DBX1: variants seen among roughly 807,000 people sequenced by gnomAD.
The protein encoded by DBX1 is developing brain homeobox 1, also known as homeobox protein DBX1.
DBX1 carries 10 observed loss-of-function variants against 20.8 expected under a neutral mutation model. The ratio of observed to expected loss-of-function variants is 0.48; its 90% CI spans 0.30 to 0.82. DBX1 has a LOEUF of 0.82. Among genes scored for constraint, DBX1 ranks in the 40% least tolerant of loss-of-function variants. The pLI, the probability that DBX1 is intolerant of heterozygous loss-of-function variation, is 0.07. For synonymous variants in DBX1, 241 were observed against 213.9 expected (o/e 1.13, Z -1.11); for missense variants, 505 against 468.8 (o/e 1.08, Z -0.71).
At position 20,156,486 on chromosome 11, in the gene DBX1, T is replaced by C. The variant is rs1450084189; in HGVS notation, c.760A>G (p.Thr254Ala). ...TGCGGATTGAGCTTGGTGGGCAGGGTCTGCTCGCGACAGCCCCCGCTAGAC... is the reference window on the plus strand; with the variant it reads ...TGCGGATTGAGCTTGGTGGGCAGGGCCTGCTCGCGACAGCCCCCGCTAGAC... ...LLSSGGCREQ[T>A]LPTKLNPHPD... Residue 254 changes from threonine (T) to alanine (A), a missense_variant, in exon 4 of 4, where the codon ACC becomes GCC. By Grantham distance (58) the Thr-to-Ala change is moderately conservative. Transcript: ENST00000524983. The surrounding 1 kb of genome is among the most constrained non-coding windows in gnomAD (Gnocchi z 4.8). The C allele has an allele frequency of 6.8e-6, 11 of 1,613,778 alleles. No individual in the cohort carries two copies. The highest frequency in any genetic ancestry group is 9.3e-6 in the Non-Finnish European group (11 of 1,179,968).
In DBX1 at chr11:20,160,459, G is replaced by A. The variant is rs2063684849; in HGVS notation, c.-135C>T. The A allele has an allele frequency of 3.4e-6, 4 of 1,169,952 alleles. No homozygotes were observed. The highest frequency in any genetic ancestry group is 4.6e-6 in the Non-Finnish European group (4 of 877,850). 72.5% of individuals were successfully genotyped at this position (1,169,952 alleles called of 1,614,324 possible). On this transcript the variant is annotated 5_prime_UTR_variant, in exon 1 of 4. Coordinates refer to ENST00000524983, the MANE Select transcript of DBX1 (RefSeq NM_001029865.4). The stretch of plus-strand genomic sequence containing the variant: ...GTCTCCAAGTAACAATCCCACTTGG[G>A]CGTCTGCGAGTCCTCCGTGGTCCTC...
chr11:20,159,939 G>C lies in DBX1; in HGVS notation c.367+19C>G. ...TGCCTAGTACCTGAATGGGCCCTTA[G>C]GGTTCTGACCTCGCTTACCTGTTCT... On this transcript the variant is annotated intron_variant, in intron 1 of 3. Transcript: ENST00000524983. The C allele has an allele frequency of 3.1e-6, 5 of 1,614,018 alleles. No individual in the cohort carries two copies. Among genetic ancestry groups the C allele is most frequent in the Non-Finnish European group, 4.2e-6 (5 of 1,179,960 alleles).
Position 20,160,370 on chromosome 11 carries a change from G to A in DBX1, c.-46C>T, listed in dbSNP as rs990658602. The A allele has an allele frequency of 4.8e-6, 7 of 1,458,736 alleles. No individual in the cohort carries two copies. The East Asian group carries it at 7.6e-5, about 16-fold the overall frequency. 90.4% of individuals were successfully genotyped at this position (1,458,736 alleles called of 1,614,324 possible). A position where few individuals can be genotyped will look rare whatever the true frequency, so the allele number is the denominator to read the frequency against. ...ATAACCCTTCTTTCAGTGGCCGGAG[G>A]GTAAACGCCTCGCTTCCCGCCCCTC... is the stretch of plus-strand genomic sequence containing the variant. On this transcript the variant is annotated 5_prime_UTR_variant, in exon 1 of 4. Transcript: ENST00000524983.
rs912689795 is a variant in DBX1 at position 20,156,833 on chromosome 11, C to A, written c.672+204G>T. Reference sequence around the variant, plus strand: ...GGGCCGGTGAGGCCGGGAGAGAAGGCGGGGAGTCGGGGTGGGGAGAGAAGA... The same window carrying A: ...GGGCCGGTGAGGCCGGGAGAGAAGGAGGGGAGTCGGGGTGGGGAGAGAAGA... On this transcript the variant is annotated intron_variant, in intron 3 of 3. Transcript: ENST00000524983. This position sits in a 1 kb window ranked among gnomAD's most constrained non-coding sequence, Gnocchi z 4.8. The A allele has an allele frequency of 8.2e-6, 6 of 735,574 alleles. No individual in the cohort carries two copies. Among genetic ancestry groups the A allele is most frequent in the Non-Finnish European group, 1.3e-5 (6 of 448,510 alleles). The allele number at this position is 735,574 out of a possible 1,614,324, so 45.6% of individuals were successfully genotyped here.
At position 20,156,183 on chromosome 11, in the gene DBX1, T is replaced by TAA. The variant is rs752554679; in HGVS notation, c.*29_*30dup. 4 of 1,511,954 alleles carry TAA rather than the reference T, an allele frequency of 2.6e-6. No individual in the cohort carries two copies. The Admixed American group carries it at 6.8e-5, about 26-fold the overall frequency. 93.7% of individuals were successfully genotyped at this position (1,511,954 alleles called of 1,614,324 possible). On this transcript the variant is annotated 3_prime_UTR_variant, in exon 4 of 4. Coordinates refer to ENST00000524983, the MANE Select transcript of DBX1 (RefSeq NM_001029865.4). This position sits in a 1 kb window ranked among gnomAD's most constrained non-coding sequence, Gnocchi z 4.8. The stretch of plus-strand genomic sequence containing the variant: ...CCCACCTCTTCGATTTCAAAGCACT[T>TAA]AAAAATAGTACTCTGGCGTGCGAGC...
At chr11:20,159,883 G>T (rs1395646591) in intron 1 of DBX1, 75 bp downstream of exon 1, 8 of 1,606,632 alleles carry the variant, frequency 5.0e-6, no homozygotes, top group Non-Finnish European at 4.3e-6. Context: ...CCGCTCGCTA[G>T]AGGAAACTGA....
At position 20,156,723 on chromosome 11, in the gene DBX1, A is replaced by T; in HGVS notation, c.673-150T>A. The T allele has an allele frequency of 8.2e-7, 1 of 1,220,008 alleles. No homozygotes were observed. Among genetic ancestry groups the T allele is most frequent in the South Asian group, 1.2e-5 (1 of 82,352 alleles). 75.6% of individuals were successfully genotyped at this position (1,220,008 alleles called of 1,614,324 possible). ...CACCCCCAGAAATGAGTTCCGGTGG[A>T]TTCCCGCATTGACTCCGCCCCCGCC... On this transcript the variant is annotated intron_variant, in intron 3 of 3. Coordinates refer to ENST00000524983, the MANE Select transcript of DBX1 (RefSeq NM_001029865.4). The surrounding 1 kb of genome is among the most constrained non-coding windows in gnomAD (Gnocchi z 4.8).
Position 20,160,263 on chromosome 11 carries a change from G to C in DBX1, c.62C>G (p.Pro21Arg). The C allele has an allele frequency of 6.5e-7, 1 of 1,542,168 alleles. No homozygotes were observed. Among genetic ancestry groups the C allele is most frequent in the Non-Finnish European group, 8.7e-7 (1 of 1,145,346 alleles). ...CAAGGACTGGGGCAGCGTCAAGGTG[G>C]GCGTGGGCCGCAGGAGGCTAGGGTA... is the stretch of plus-strand genomic sequence containing the variant. The part of the protein sequence containing the change: ...AGYPSLLRPT[P>R]TLTLPQSLQS... Residue 21 changes from proline (P) to arginine (R), a missense_variant, in exon 1 of 4, where the codon CCC becomes CGC. Coordinates refer to ENST00000524983, the MANE Select transcript of DBX1 (RefSeq NM_001029865.4).
At chr11:20,158,336 C>T (rs766809675) in intron 2 of DBX1, among the ~76,000 whole-genome samples, 1 of 151,974 alleles carries the variant, frequency 6.6e-6, no homozygotes, top group Non-Finnish European at 1.5e-5. Context: ...CGTGATTTTA[C>T]CCATCCCCCG....
intron 1 of DBX1, 111 bp from the exon 2 acceptor site, chr11:20,159,403 C>T: frequency 1.4e-6 from 1 of 712,536 alleles, no homozygotes; most frequent in Non-Finnish European, 2.5e-6. Context: ...AGCCCTTCAT[C>T]TGGTTTCAAA....
rs745307504 is a variant in DBX1 at position 20,160,037 on chromosome 11, C to A, written c.288G>T (p.Pro96=). 1.3e-6 allele frequency: 2 copies of A among 1,599,162 alleles called. No individual in the cohort carries two copies. Among genetic ancestry groups the A allele is most frequent in the Admixed American group, 1.7e-5 (1 of 57,982 alleles). Residue 96 remains proline (P), a synonymous_variant, in exon 1 of 4, where the codon CCG becomes CCT. Coordinates refer to ENST00000524983, the MANE Select transcript of DBX1 (RefSeq NM_001029865.4). ...TCTCGCTGGCAGGGGAGAAGGCAGTCGGCGGAGAGCCGCCCCGTCGGCTGC... is the reference window on the plus strand; with the variant it reads ...TCTCGCTGGCAGGGGAGAAGGCAGTAGGCGGAGAGCCGCCCCGTCGGCTGC... ...GPGSRRGGSP[P]TAFSPASETT...
At position 20,157,223 on chromosome 11, in the gene DBX1, C is replaced by A; in HGVS notation, c.486G>T (p.Val162=). Reference sequence around the variant, plus strand: ...GCCAGGAGAAGGTCCCGGGGATGGGCACCACGCTGGAGGAAGCTGCAGGGT... The same window carrying A: ...GCCAGGAGAAGGTCCCGGGGATGGGAACCACGCTGGAGGAAGCTGCAGGGT... ...SSYFPASSSV[V]PIPGTFSWPL... The change falls in exon 3 of 4, where the codon GTG becomes GTT. Residue 162 remains valine, a synonymous_variant. Coordinates refer to ENST00000524983, the MANE Select transcript of DBX1 (RefSeq NM_001029865.4). 1.9e-6 allele frequency: 3 copies of A among 1,578,136 alleles called. No homozygotes were observed. Among genetic ancestry groups the A allele is most frequent in the South Asian group, 1.1e-5 (1 of 87,434 alleles).
rs771397492 is a variant in DBX1, at chr11:20,156,724, T to G, written c.673-151A>C. 1.6e-6 allele frequency: 2 copies of G among 1,214,666 alleles called. No individual in the cohort carries two copies. The highest frequency in any genetic ancestry group is 2.4e-6 in the Non-Finnish European group (2 of 828,240). 75.2% of individuals were successfully genotyped at this position (1,214,666 alleles called of 1,614,324 possible). A position where few individuals can be genotyped will look rare whatever the true frequency, so the allele number is the denominator to read the frequency against. On this transcript the variant is annotated intron_variant, in intron 3 of 3. Transcript: ENST00000524983. The surrounding 1 kb of genome is among the most constrained non-coding windows in gnomAD (Gnocchi z 4.8). Reference sequence around the variant, plus strand: ...ACCCCCAGAAATGAGTTCCGGTGGATTCCCGCATTGACTCCGCCCCCGCCT... The same window carrying G: ...ACCCCCAGAAATGAGTTCCGGTGGAGTCCCGCATTGACTCCGCCCCCGCCT...
Position 20,157,045 on chromosome 11 carries a change from C to T in DBX1, c.664G>A (p.Asp222Asn), listed in dbSNP as rs1228821183. The T allele has an allele frequency of 6.2e-7, 1 of 1,613,674 alleles. No individual in the cohort carries two copies. The highest frequency in any genetic ancestry group is 1.7e-5 in the Admixed American group (1 of 60,006). ...GGAGGAAATGCGCTCACCTGCGAGT[C>T]TTTCAGGCCCAGCTTGGCCGCCAGC... Reference protein sequence around the residue: ...KKLAAKLGLKDSQVKIWFQNR... With the variant: ...KKLAAKLGLKNSQVKIWFQNR... The change falls in exon 3 of 4, where the codon GAC (aspartate) becomes AAC (asparagine). Residue 222 changes from aspartate to asparagine, a missense_variant. Asp to Asn is a conservative substitution (Grantham distance 23, BLOSUM62 1). Transcript: ENST00000524983.
intron 1 of DBX1, 68 bp downstream of exon 1, chr11:20,159,890 C>T: frequency 1.2e-6 from 2 of 1,608,992 alleles, no homozygotes; most frequent in Non-Finnish European, 1.7e-6. Context: ...CTAGAGGAAA[C>T]TGAGGCCAGG....
At position 20,156,734 on chromosome 11, in the gene DBX1, G is replaced by T; in HGVS notation, c.673-161C>A. ...ATGAGTTCCGGTGGATTCCCGCATT[G>T]ACTCCGCCCCCGCCTCAGCTCGCGG... On this transcript the variant is annotated intron_variant, in intron 3 of 3. Transcript: ENST00000524983. The surrounding 1 kb of genome is among the most constrained non-coding windows in gnomAD (Gnocchi z 4.8). 2 of 1,145,456 alleles carry T rather than the reference G, an allele frequency of 1.7e-6. No individual in the cohort carries two copies. Among genetic ancestry groups the T allele is most frequent in the Non-Finnish European group, 2.6e-6 (2 of 769,160 alleles). The allele number at this position is 1,145,456 out of a possible 1,614,324, so 71.0% of individuals were successfully genotyped here.
chr11:20,157,137 A>T lies in DBX1; in HGVS notation c.572T>A (p.Val191Glu). Residue 191 changes from valine to glutamate, a missense_variant, in exon 3 of 4, where the codon GTG (valine) becomes GAG (glutamate). Transcript: ENST00000524983. ...GMLRRAVFSD[V>E]QRKALEKMFQ... ...CATCTTCTCCAGCGCCTTCCGCTGC[A>T]CGTCGGAGAAGACTGCTCGACGCAG... 3.1e-6 allele frequency: 5 copies of T among 1,613,280 alleles called. No homozygotes were observed. Among genetic ancestry groups the T allele is most frequent in the Non-Finnish European group, 4.2e-6 (5 of 1,179,894 alleles).
rs960834495 is a variant in DBX1, at chr11:20,156,753, C to T, written c.673-180G>A. 1 of 1,050,476 alleles carries T rather than the reference C, an allele frequency of 9.5e-7. No homozygotes were observed. Among genetic ancestry groups the T allele is most frequent in the East Asian group, 2.4e-5 (1 of 41,824 alleles). The allele number at this position is 1,050,476 out of a possible 1,614,324, so 65.1% of individuals were successfully genotyped here. ...CGCATTGACTCCGCCCCCGCCTCAG[C>T]TCGCGGTTCCGTTTGCCTCATCCGC... On this transcript the variant is annotated intron_variant, in intron 3 of 3. Coordinates refer to ENST00000524983, the MANE Select transcript of DBX1 (RefSeq NM_001029865.4). The surrounding 1 kb of genome is among the most constrained non-coding windows in gnomAD (Gnocchi z 4.8).
intron 3 of DBX1, 31 bp downstream of exon 3, chr11:20,157,006 G>C (rs754813632): frequency 9.7e-5 from 22 of 227,526 alleles, no homozygotes; most frequent in Admixed American, 5.5e-4. Context: ...GGGCGGGGGC[G>C]GGGGGGGTGC....
Sources: gnomAD v4.1 joint callset for allele counts (sites outside exome capture counted in the v4.1 genomes callset) on GRCh38, gnomAD v4.1.1 for gene constraint, Gnocchi (gnomAD v3.1) non-coding constraint, MANE v1.5 for transcripts, NCBI Gene and HGNC (gene_info 2026-07-23, HGNC 2026-07-21) for gene names.